Variants in TERF2 observed in about 807,000 individuals in gnomAD.
TERF2 encodes telomeric repeat binding factor 2.
Under a neutral mutation model 56.1 loss-of-function variants are expected in TERF2, and 16 were observed. The observed-to-expected ratio is 0.29, with a 90% CI of 0.19 to 0.43. TERF2 has a LOEUF of 0.43. Ranked by LOEUF, TERF2 falls within the 20% of genes least tolerant of loss-of-function variation. The pLI is 1.00. For missense variants in TERF2, 547 were observed against 712.9 expected, an observed-to-expected ratio of 0.77 and a Z score of 2.65; for synonymous variants, 296 against 282.1, an observed-to-expected ratio of 1.05 and a Z score of -0.50.
chr16:69,381,188 A>T (rs1369807244), intron 3 of TERF2, among the ~76,000 whole-genome samples: 1 of 152,244 alleles, frequency 6.6e-6, no homozygotes, highest in East Asian at 1.9e-4. Context: ...AAGCACATGA[A>T]TACAAGTTTT....
intron 3 of TERF2, among the ~76,000 whole-genome samples, chr16:69,382,361 T>C (rs1257416254): frequency 2.0e-5 from 3 of 152,246 alleles, no homozygotes; most frequent in African/African-American, 4.8e-5. Flanking sequence ...TCCGTGACTG[T>C]AAATGAGAAA....
At chr16:69,363,731 G>C (rs1388248894) in intron 7 of TERF2, among the ~76,000 whole-genome samples, 3 of 152,226 alleles carry the variant, frequency 2.0e-5, no homozygotes, top group Admixed American at 2.0e-4. Context: ...CAGTTTGAGA[G>C]GCCCAGGCAG....
chr16:69,379,036 T>C (rs888475272), intron 3 of TERF2, among the ~76,000 whole-genome samples: 2 of 152,174 alleles, frequency 1.3e-5, no homozygotes, highest in Non-Finnish European at 2.9e-5. Context: ...CTTACGTATT[T>C]GTTAAGGTTT....
At chr16:69,371,178 T>C (rs1158092452) in intron 4 of TERF2, among the ~76,000 whole-genome samples, 1 of 152,142 alleles carries the variant, frequency 6.6e-6, no homozygotes, top group Non-Finnish European at 1.5e-5. Flanking sequence ...TATGTACATG[T>C]ATTACCTTTT....
chr16:69,385,564 C>T (rs531569857), intron 1 of TERF2, 29 bp downstream of exon 1: 2 of 1,521,344 alleles, frequency 1.3e-6, no homozygotes, highest in East Asian at 2.3e-5. Context: ...CCCGGCGCTC[C>T]AACCCCCCTC....
At chr16:69,361,299 T>C (rs1438656771) in intron 8 of TERF2, 105 bp downstream of exon 8, 6 of 830,632 alleles carry the variant, frequency 7.2e-6, no homozygotes, top group African/African-American at 1.7e-5. Flanking sequence ...TACTGAACTT[T>C]TTCTAGTTCG....
intron 1 of TERF2, 51 bp downstream of exon 1, chr16:69,385,542 C>T (rs368326980): frequency 6.9e-5 from 110 of 1,590,410 alleles, no homozygotes; most frequent in Non-Finnish European, 8.6e-5. Context: ...CCCGGTCCCC[C>T]GGACCCCCTT....
chr16:69,384,438 C>G (rs1468144608), intron 3 of TERF2, 142 bp downstream of exon 3: 1 of 865,048 alleles, frequency 1.2e-6, no homozygotes, highest in East Asian at 2.8e-5. Context: ...GAAGAAATAA[C>G]GTCTGTGTGT....
Position 69,385,862 on chromosome 16 carries a change from G to GCGCCCTCCC in TERF2, c.101_109dup (p.Gly34_Gly36dup), listed in dbSNP as rs748694795. ...TCCCGCCATCGTGTCCGATCGCCGC[G>GCGCCCTCCC]CGCCCTCCCCGCCCTCCCGGCCGGG... On this transcript the variant is annotated inframe_insertion, in exon 1 of 10. Coordinates refer to ENST00000254942, the MANE Select transcript of TERF2 (RefSeq NM_005652.5). 25 of 1,369,168 alleles carry GCGCCCTCCC rather than the reference G, an allele frequency of 1.8e-5. No individual in the cohort carries two copies. Among genetic ancestry groups the GCGCCCTCCC allele is most frequent in the South Asian group, 3.4e-5 (2 of 59,508 alleles). The allele number at this position is 1,369,168 out of a possible 1,614,324, so 84.8% of individuals were successfully genotyped here. A position where few individuals can be genotyped will look rare whatever the true frequency, so the allele number is the denominator to read the frequency against.
Position 69,385,372 on chromosome 16 carries a change from AAC to A in TERF2, c.475+17_475+18del. Reference sequence around the variant, plus strand: ...CCCTACGCAAGTAAGCCCAGAGAAGAACACAAAAATAGCCATACCTAAATTTT... The same window carrying A: ...CCCTACGCAAGTAAGCCCAGAGAAGAACAAAAATAGCCATACCTAAATTTT... On this transcript the variant is annotated intron_variant, in intron 2 of 9. Coordinates refer to ENST00000254942, the MANE Select transcript of TERF2 (RefSeq NM_005652.5). The A allele has an allele frequency of 1.2e-6, 2 of 1,606,974 alleles. No individual in the cohort carries two copies. Among genetic ancestry groups the A allele is most frequent in the Non-Finnish European group, 1.7e-6 (2 of 1,173,628 alleles).
intron 7 of TERF2, among the ~76,000 whole-genome samples, chr16:69,362,868 CA>C (rs2013197101): frequency 6.6e-6 from 1 of 152,054 alleles, no homozygotes; most frequent in Non-Finnish European, 1.5e-5. Flanking sequence ...AGAATAGAGA[CA>C]AATTTCTGTA....
chr16:69,369,412 C>A (rs943030632), intron 5 of TERF2, among the ~76,000 whole-genome samples: 12 of 152,084 alleles, frequency 7.9e-5, no homozygotes, highest in Non-Finnish European at 1.5e-4. Flanking sequence ...GATCTTCCCA[C>A]TTCAGCCTCC....
intron 3 of TERF2, among the ~76,000 whole-genome samples, chr16:69,373,197 A>G (rs1271893432): frequency 1.3e-5 from 2 of 152,138 alleles, no homozygotes; most frequent in East Asian, 3.9e-4. Flanking sequence ...GGCAACTTCA[A>G]TTAAAGCACC....
chr16:69,374,088 A>G (rs1489919403), intron 3 of TERF2, among the ~76,000 whole-genome samples: 1 of 152,218 alleles, frequency 6.6e-6, no homozygotes, highest in East Asian at 1.9e-4. Flanking sequence ...TCAGATGACC[A>G]TATCCATTTA....
At chr16:69,369,643 G>A (rs1431279376) in intron 5 of TERF2, among the ~76,000 whole-genome samples, 1 of 152,204 alleles carries the variant, frequency 6.6e-6, no homozygotes, top group Non-Finnish European at 1.5e-5. Flanking sequence ...CTCACTCAGT[G>A]TTCCTTCACC....
At chr16:69,379,636 A>G (rs900835298) in intron 3 of TERF2, among the ~76,000 whole-genome samples, 3 of 152,196 alleles carry the variant, frequency 2.0e-5, no homozygotes, top group African/African-American at 7.2e-5. Context: ...CTGTTTATGT[A>G]GGTTATATTT....
intron 3 of TERF2, 137 bp from the exon 4 acceptor site, chr16:69,372,492 G>A (rs931389976): frequency 1.8e-6 from 1 of 555,990 alleles, no homozygotes; most frequent in African/African-American, 2.0e-5. Context: ...GCCAGGCGCG[G>A]TGGCTCACGC....
At chr16:69,375,299 G>A (rs1294497711) in intron 3 of TERF2, among the ~76,000 whole-genome samples, 1 of 152,224 alleles carries the variant, frequency 6.6e-6, no homozygotes, top group Non-Finnish European at 1.5e-5. Context: ...CATGGAAAAT[G>A]TGTTTATAAG....
chr16:69,383,399 T>G (rs78268165), intron 3 of TERF2, among the ~76,000 whole-genome samples: 4,869 of 152,316 alleles, frequency 0.032, 125 homozygotes, highest in Non-Finnish European at 0.048. Flanking sequence ...GTGTACTTAA[T>G]AGAAGTTAAA....
Sources: allele counts gnomAD v4.1 joint callset (sites outside exome capture counted in the v4.1 genomes callset), GRCh38; gene constraint gnomAD v4.1.1; transcripts MANE v1.5; gene names NCBI Gene and HGNC (gene_info 2026-07-23, HGNC 2026-07-21).